Variants in PRRC2B observed in about 807,000 individuals in gnomAD.
PRRC2B encodes the protein proline rich coiled-coil 2B, also known as protein PRRC2B.
In PRRC2B, 68 loss-of-function variants were observed where a neutral mutation model predicts 242.3. The ratio of observed to expected loss-of-function variants is 0.28; its 90% confidence interval spans 0.23 to 0.34. The LOEUF is 0.34. Among genes scored for constraint, PRRC2B ranks in the 10% least tolerant of loss-of-function variants. PRRC2B has a pLI of 1.00. For synonymous variants in PRRC2B, 1,228 were observed against 1,173.6 expected, an observed-to-expected ratio of 1.05 and a Z score of -0.95; for missense variants, 2,835 against 2,954.8, an observed-to-expected ratio of 0.96 and a Z score of 0.94.
At chr9:131,422,749 G>A (rs930455344) in intron 1 of PRRC2B, among the ~76,000 whole-genome samples, 8 of 152,190 alleles carry the variant, frequency 5.3e-5, no homozygotes, top group African/African-American at 1.7e-4. Flanking sequence ...TGAAGTTGCC[G>A]TTGTTGGCGA....
chr9:131,484,457 G>C (rs139231489), intron 23 of PRRC2B, among the ~76,000 whole-genome samples: 2 of 152,200 alleles, frequency 1.3e-5, no homozygotes, highest in Non-Finnish European at 2.9e-5. Context: ...GCTGCCATCA[G>C]TTTCATCTGG....
At chr9:131,416,332 C>T (rs1254119388) in intron 1 of PRRC2B, among the ~76,000 whole-genome samples, 1 of 152,140 alleles carries the variant, frequency 6.6e-6, no homozygotes, top group African/African-American at 2.4e-5. Flanking sequence ...TGGTCTCGAA[C>T]CCCTGACCTC....
At chr9:131,495,248 C>T (rs768188505) in intron 31 of PRRC2B, among the ~76,000 whole-genome samples, 1 of 151,892 alleles carries the variant, frequency 6.6e-6, no homozygotes, top group Non-Finnish European at 1.5e-5. Flanking sequence ...GGAAAGGTTA[C>T]AGAGTGGGAA....
Position 131,430,236 on chromosome 9 carries a change from CAGT to C in PRRC2B, c.95_97del (p.Val32del). ...CTGTTTGATAAGTATAAAGGAAAATCAGTAGACGCGATTAGATCCTCAGGTAAG... is the reference window on the plus strand; with the variant it reads ...CTGTTTGATAAGTATAAAGGAAAATCAGACGCGATTAGATCCTCAGGTAAG... On this transcript the variant is annotated inframe_deletion, in exon 2 of 32. Coordinates refer to ENST00000683519, the MANE Select transcript of PRRC2B (RefSeq NM_013318.4). 3 of 1,599,132 alleles carry C rather than the reference CAGT, an allele frequency of 1.9e-6. No individual in the cohort carries two copies. Among genetic ancestry groups the C allele is most frequent in the Non-Finnish European group, 2.6e-6 (3 of 1,172,210 alleles).
At chr9:131,384,541 C>T (rs1198465013) in intron 1 of PRRC2B, among the ~76,000 whole-genome samples, 2 of 152,148 alleles carry the variant, frequency 1.3e-5, no homozygotes, top group African/African-American at 4.8e-5. Context: ...ACCTCGGCCT[C>T]CCAAAGTGCT....
chr9:131,459,385 A>G (rs1467895611), intron 11 of PRRC2B, 29 bp downstream of exon 11: 5 of 1,579,502 alleles, frequency 3.2e-6, no homozygotes, highest in Non-Finnish European at 4.3e-6. Flanking sequence ...TGTCCTGTGT[A>G]TTTGTACTTC....
chr9:131,447,045 C>T (rs1838825030), intron 7 of PRRC2B, 40 bp from the exon 8 acceptor site: 1 of 1,611,948 alleles, frequency 6.2e-7, no homozygotes. Context: ...GCAGTTTCAG[C>T]CATTACCAGC....
upstream of PRRC2B, among the ~76,000 whole-genome samples, chr9:131,389,867 C>T (rs1024944648): frequency 1.4e-4 from 21 of 148,252 alleles, 2 homozygotes; most frequent in Admixed American, 5.0e-4. Context: ...AAAAGGCTAG[C>T]TCTGCTGGTT....
chr9:131,450,035 G>C (rs990092432), intron 9 of PRRC2B, among the ~76,000 whole-genome samples: 2 of 152,034 alleles, frequency 1.3e-5, no homozygotes, highest in African/African-American at 4.8e-5. Context: ...TAAAAGCATT[G>C]GTCTATTTCT....
chr9:131,473,761 A>T (rs774231223), intron 15 of PRRC2B, 37 bp downstream of exon 15: 30 of 1,559,736 alleles, frequency 1.9e-5, no homozygotes, highest in Non-Finnish European at 2.5e-5. Context: ...TTGCCACTGA[A>T]GGAGGACTCC....
chr9:131,395,741 A>C (rs1393751844), intron 1 of PRRC2B, among the ~76,000 whole-genome samples: 1 of 152,210 alleles, frequency 6.6e-6, no homozygotes, highest in Non-Finnish European at 1.5e-5. Flanking sequence ...GAAGGAATTC[A>C]AGGCCCAAAC....
upstream of PRRC2B, among the ~76,000 whole-genome samples, chr9:131,391,840 A>C (rs1836903497): frequency 6.6e-6 from 1 of 151,274 alleles, no homozygotes; most frequent in African/African-American, 2.4e-5. Flanking sequence ...TCCTGGGTTC[A>C]AGTGATTCTT....
At chr9:131,383,601 T>G (rs1167143369) in intron 1 of PRRC2B, among the ~76,000 whole-genome samples, 14 of 10,784 alleles carry the variant, frequency 1.3e-3, no homozygotes, top group African/African-American at 3.6e-3. Context: ...TTGGTTTCTC[T>G]TTTTTTTTTT....
rs557590942 is a variant in PRRC2B, at chr9:131,441,643, C to T, written c.470-2542C>T. Among the ~76,000 whole-genome samples, 189 of 152,338 alleles carry T rather than the reference C, an allele frequency of 1.2e-3. 1 individual carries two copies. The highest frequency in any genetic ancestry group is 3.9e-3 in the African/African-American group (164 of 41,574). On this transcript the variant is annotated intron_variant, in intron 5 of 31. Transcript: ENST00000683519. ...AAAAGTCAGTTTCAGTTCCCCCTCT[C>T]GTGCTAGAGTCATGCATCTGTGACA... is the stretch of plus-strand genomic sequence containing the variant.
chr9:131,441,698 T>C (rs1381807854), intron 5 of PRRC2B, among the ~76,000 whole-genome samples: 1 of 152,184 alleles, frequency 6.6e-6, no homozygotes, highest in Non-Finnish European at 1.5e-5. Context: ...TTGAGGGTGT[T>C]GCCCACAAGT....
chr9:131,489,184 C>CTT (rs558036228), intron 28 of PRRC2B, among the ~76,000 whole-genome samples: 3,241 of 131,576 alleles, frequency 0.025, 199 homozygotes, highest in African/African-American at 0.089. Context: ...CTCCAAAATT[C>CTT]TTTTTTTTTT....
rs775239943 is a variant in PRRC2B at position 131,475,935 on chromosome 9, G to T, written c.3806G>T (p.Arg1269Leu). The stretch of plus-strand genomic sequence containing the variant: ...AGACACCCTGACGCATTTGGTGGCC[G>T]GGGCTTTGAGGACAGCCGCGCGGAG... ...SYRHPDAFGG[R>L]GFEDSRAEDK... Residue 1269 changes from arginine (R) to leucine (L), a missense_variant, in exon 16 of 32, where the codon CGG (arginine) becomes CTG (leucine). Around this residue, in one of 7 missense-constraint regions of PRRC2B, gnomAD observed 1,536 missense variants for 1,483.1 expected, o/e 1.04. Coordinates refer to ENST00000683519, the MANE Select transcript of PRRC2B (RefSeq NM_013318.4). 6.8e-6 allele frequency: 11 copies of T among 1,613,816 alleles called. No individual in the cohort carries two copies. Among genetic ancestry groups the T allele is most frequent in the Non-Finnish European group, 9.3e-6 (11 of 1,179,790 alleles).
In PRRC2B at chr9:131,394,133, G is replaced by A. The variant is rs1564272152; in HGVS notation, c.-182G>A. The A allele has an allele frequency of 6.7e-6, 1 of 149,296 alleles. No individual in the cohort carries two copies. Among genetic ancestry groups the A allele is most frequent in the Admixed American group, 6.7e-5 (1 of 14,972 alleles). The allele number at this position is 149,296 out of a possible 1,614,324, so 9.2% of individuals were successfully genotyped here. On this transcript the variant is annotated 5_prime_UTR_variant, in exon 1 of 32. Coordinates refer to ENST00000683519, the MANE Select transcript of PRRC2B (RefSeq NM_013318.4). ...CGCGCAGCGACGAGCGAGCCCGGGA[G>A]GAGGGAGGGAGCGAGCGAGCGAGCA...
At chr9:131,430,718 G>A (rs1161542636) in intron 2 of PRRC2B, among the ~76,000 whole-genome samples, 4 of 151,670 alleles carry the variant, frequency 2.6e-5, no homozygotes, top group Non-Finnish European at 2.9e-5. Context: ...TCAGCCTCCC[G>A]AGTAGCAAGG....
Sources: allele counts gnomAD v4.1 joint callset (sites outside exome capture counted in the v4.1 genomes callset), GRCh38; gene constraint gnomAD v4.1.1; regional missense constraint gnomAD v4.1.1; transcripts MANE v1.5; gene names NCBI Gene and HGNC (gene_info 2026-07-23, HGNC 2026-07-21).